CDH12: variants seen among roughly 807,000 people sequenced by gnomAD.
The protein encoded by CDH12 is cadherin-12.
CDH12 carries 41 observed loss-of-function variants against 74.1 expected under a neutral mutation model. That is an observed-to-expected ratio of 0.55 (90% CI 0.43 to 0.72). CDH12 has a LOEUF of 0.72. Among genes scored for constraint, CDH12 ranks in the 30% least tolerant of loss-of-function variants. CDH12 has a pLI of 0.00. For synonymous variants in CDH12, 399 were observed against 355.0 expected (o/e 1.12, Z -1.39); for missense variants, 945 against 977.2 (o/e 0.97, Z 0.44).
chr5:21,897,370 T>C lies in CDH12; in HGVS notation c.527-42580A>G, dbSNP rs545783908. Among the ~76,000 whole-genome samples the C allele has an allele frequency of 7.6e-4, 115 of 152,302 alleles. 1 individual carries two copies. In the Middle Eastern group the frequency reaches 0.034, roughly 45 times the overall value. On this transcript the variant is annotated intron_variant, in intron 6 of 14. Transcript: ENST00000382254. The stretch of plus-strand genomic sequence containing the variant: ...ATTTTGTATTTTGCTTACAAAAAAA[T>C]GTTTCCCAAGTGATACCTTGATATT...
chr5:21,938,723 C>CAT (rs545475183), intron 6 of CDH12, among the ~76,000 whole-genome samples: 19,771 of 111,808 alleles, frequency 0.18, 1,959 homozygotes, highest in Non-Finnish European at 0.21. Context: ...ATATAATATA[C>CAT]ATATATATAT....
intron 5 of CDH12, among the ~76,000 whole-genome samples, chr5:22,065,108 C>T (rs370350251): frequency 3.3e-5 from 5 of 152,108 alleles, no homozygotes; most frequent in South Asian, 2.1e-4. Flanking sequence ...ATAATGGCCT[C>T]GCCTGATGCT....
intron 4 of CDH12, among the ~76,000 whole-genome samples, chr5:22,097,021 A>T (rs1274711232): frequency 6.6e-6 from 1 of 152,096 alleles, no homozygotes; most frequent in East Asian, 1.9e-4. Flanking sequence ...CTGTGAGACA[A>T]ACCCCAGCCA....
chr5:22,235,717 G>T (rs1394639495), intron 3 of CDH12, among the ~76,000 whole-genome samples: 1 of 152,050 alleles, frequency 6.6e-6, no homozygotes, highest in African/African-American at 2.4e-5. Context: ...ATAACAGCAG[G>T]TCTAAAGAAC....
At chr5:22,464,930 A>G (rs1745663802) in intron 2 of CDH12, among the ~76,000 whole-genome samples, 2 of 149,752 alleles carry the variant, frequency 1.3e-5, no homozygotes, top group Admixed American at 6.7e-5. Context: ...TGAACCCGGG[A>G]GGCGGAGGCT....
chr5:21,975,200 G>C lies in CDH12; in HGVS notation c.417C>G (p.Pro139=). ...TGATGAATTCTGATTCAGGCTCCAG[G>C]GGCTTTCTGGTTTCTATGTCCACAG... ...AQAVDIETRK[P]LEPESEFIIK... Residue 139 remains proline, a synonymous_variant, in exon 6 of 15, where the codon CCC becomes CCG. Transcript: ENST00000382254. The C allele has an allele frequency of 6.3e-7, 1 of 1,597,028 alleles. No homozygotes were observed. Among genetic ancestry groups the C allele is most frequent in the South Asian group, 1.1e-5 (1 of 90,978 alleles).
chr5:22,696,203 A>C lies in CDH12; in HGVS notation c.-523+156855T>G, dbSNP rs986441965. Among the ~76,000 whole-genome samples, 25 of 151,878 alleles carry C rather than the reference A, an allele frequency of 1.6e-4. 1 individual carries two copies. The highest frequency in any genetic ancestry group is 4.4e-5 in the Non-Finnish European group (3 of 67,986). On this transcript the variant is annotated intron_variant, in intron 1 of 14. Coordinates refer to ENST00000382254, the MANE Select transcript of CDH12 (RefSeq NM_004061.5). ...CTAACACAATGAAACCCACGTCTCT[A>C]CTGAAAAATACAAAAAAATTAGCCG...
intron 3 of CDH12, among the ~76,000 whole-genome samples, chr5:22,309,920 C>A (rs1738305963): frequency 6.9e-6 from 1 of 144,046 alleles, no homozygotes; most frequent in Admixed American, 7.5e-5. Flanking sequence ...CCAAATTCTG[C>A]CGTTAATAAA....
intron 6 of CDH12, among the ~76,000 whole-genome samples, chr5:21,867,489 A>AACCC (rs1384690253): frequency 6.6e-6 from 1 of 152,226 alleles, no homozygotes; most frequent in Non-Finnish European, 1.5e-5. Flanking sequence ...ACACCATGGG[A>AACCC]ACCCACTTCT....
intron 1 of CDH12, among the ~76,000 whole-genome samples, chr5:22,676,664 T>C (rs970015390): frequency 3.3e-5 from 5 of 152,310 alleles, no homozygotes; most frequent in African/African-American, 9.6e-5. Context: ...CAGAATATCT[T>C]CAAATTAAGA....
At chr5:22,820,718 G>A (rs1326159804) in intron 1 of CDH12, among the ~76,000 whole-genome samples, 1 of 152,038 alleles carries the variant, frequency 6.6e-6, no homozygotes, top group Non-Finnish European at 1.5e-5. Flanking sequence ...CCAATAACAG[G>A]CTCTGAAATT....
intron 5 of CDH12, among the ~76,000 whole-genome samples, chr5:22,001,732 T>A (rs931794426): frequency 1.3e-5 from 2 of 152,122 alleles, no homozygotes; most frequent in Admixed American, 6.6e-5. Context: ...CTTTTTTTTT[T>A]AAATCTCTCC....
intron 1 of CDH12, among the ~76,000 whole-genome samples, chr5:22,513,478 T>C (rs1037892038): frequency 6.6e-6 from 1 of 152,166 alleles, no homozygotes; most frequent in Non-Finnish European, 1.5e-5. Context: ...AGCATCATAC[T>C]CACCAGCTTT....
At chr5:21,766,318 T>C (rs980776755) in intron 11 of CDH12, among the ~76,000 whole-genome samples, 13 of 152,138 alleles carry the variant, frequency 8.5e-5, no homozygotes, top group African/African-American at 2.9e-4. Flanking sequence ...ATAAATTGCG[T>C]ATAAATAGTA....
intron 2 of CDH12, among the ~76,000 whole-genome samples, chr5:22,480,477 A>T (rs1417228468): frequency 6.6e-6 from 1 of 151,832 alleles, no homozygotes; most frequent in Non-Finnish European, 1.5e-5. Context: ...CCAGCTACTC[A>T]GGAGACAAAA....
intron 1 of CDH12, among the ~76,000 whole-genome samples, chr5:22,670,036 A>G (rs762202085): frequency 1.3e-5 from 2 of 152,162 alleles, no homozygotes; most frequent in Non-Finnish European, 2.9e-5. Flanking sequence ...AATGTATGTA[A>G]CAGGAGTTAA....
At chr5:22,346,192 G>A (rs753136797) in intron 3 of CDH12, among the ~76,000 whole-genome samples, 2 of 150,980 alleles carry the variant, frequency 1.3e-5, no homozygotes, top group African/African-American at 2.4e-5. Flanking sequence ...TTATTGCATC[G>A]TATCTTGAAT....
chr5:22,399,180 A>C (rs1362061009), intron 3 of CDH12, among the ~76,000 whole-genome samples: 1 of 147,262 alleles, frequency 6.8e-6, no homozygotes, highest in Non-Finnish European at 1.5e-5. Flanking sequence ...CTTACTATAT[A>C]ATCTACCCAG....
At chr5:21,865,184 G>A (rs1751261447) in intron 6 of CDH12, among the ~76,000 whole-genome samples, 1 of 152,186 alleles carries the variant, frequency 6.6e-6, no homozygotes, top group African/African-American at 2.4e-5. Flanking sequence ...ACAGCATTTA[G>A]TGTGCTGCAT....
Sources: allele counts gnomAD v4.1 joint callset (sites outside exome capture counted in the v4.1 genomes callset), GRCh38; gene constraint gnomAD v4.1.1; transcripts MANE v1.5; gene names NCBI Gene and HGNC (gene_info 2026-07-23, HGNC 2026-07-21).